Variants in GLI3 observed in about 807,000 individuals in gnomAD.
GLI3 encodes transcription activator GLI3.
Under a neutral mutation model 100.8 loss-of-function variants are expected in GLI3, and 20 were observed. The ratio of observed to expected loss-of-function variants is 0.20; its 90% CI spans 0.14 to 0.29. The LOEUF is 0.29. Ranked by LOEUF, GLI3 falls within the 10% of genes least tolerant of loss-of-function variation. The pLI is 1.00. For synonymous variants in GLI3, 938 were observed against 860.5 expected, an observed-to-expected ratio of 1.09 and a Z score of -1.58; for missense variants, 2,040 against 2,128.5, an observed-to-expected ratio of 0.96 and a Z score of 0.82.
In GLI3 at chr7:42,080,793, G is replaced by A. The variant is rs141401049; in HGVS notation, c.368-3936C>T. Among the ~76,000 whole-genome samples the A allele has an allele frequency of 3.9e-3, 592 of 152,188 alleles. 5 individuals are homozygous for A. The highest frequency in any genetic ancestry group is 0.013 in the African/African-American group (553 of 41,510). The stretch of plus-strand genomic sequence containing the variant: ...TGCCTTGCTGGTGTCTTGGTTTGTC[G>A]TTTCTATGTGGCTCAGCGGCATATT... On this transcript the variant is annotated intron_variant, in intron 3 of 14. Coordinates refer to ENST00000395925, the MANE Select transcript of GLI3 (RefSeq NM_000168.6).
At chr7:42,015,245 G>A (rs556980983) in intron 10 of GLI3, among the ~76,000 whole-genome samples, 173 of 152,212 alleles carry the variant, frequency 1.1e-3, no homozygotes, top group African/African-American at 4.0e-3. Flanking sequence ...ACATTATCTG[G>A]TGTTCTTCCC....
At chr7:41,975,229 T>C (rs1026212889) in intron 12 of GLI3, among the ~76,000 whole-genome samples, 1 of 152,218 alleles carries the variant, frequency 6.6e-6, no homozygotes, top group Non-Finnish European at 1.5e-5. Context: ...CCCTTCCCAT[T>C]ACAGTCCATT....
At chr7:42,082,892 T>C (rs1224758741) in intron 3 of GLI3, among the ~76,000 whole-genome samples, 2 of 152,282 alleles carry the variant, frequency 1.3e-5, no homozygotes, top group South Asian at 2.1e-4. Flanking sequence ...AATAAAGTTA[T>C]GTTTTAATTT....
chr7:41,977,535 C>T, intron 12 of GLI3, 23 bp downstream of exon 12: 1 of 1,612,162 alleles, frequency 6.2e-7, no homozygotes, highest in Non-Finnish European at 8.5e-7. Flanking sequence ...TATGCAAGCT[C>T]CATGCCCACT....
chr7:42,177,216 C>T (rs974628246), intron 2 of GLI3, among the ~76,000 whole-genome samples: 4 of 152,084 alleles, frequency 2.6e-5, no homozygotes, highest in Non-Finnish European at 5.9e-5. Context: ...GGAGTGTCAG[C>T]AAAGGCCTCA....
intron 11 of GLI3, 118 bp downstream of exon 11, chr7:41,978,481 T>C (rs1033589043): frequency 1.1e-6 from 1 of 936,304 alleles, no homozygotes; most frequent in African/African-American, 1.6e-5. Context: ...GACAATACTC[T>C]AGTCCTCTTC....
intron 3 of GLI3, chr7:42,145,506 G>A (rs1027813886): frequency 7.5e-6 from 3 of 398,178 alleles, no homozygotes; most frequent in Non-Finnish European, 1.3e-5. Flanking sequence ...GAAGGCCACA[G>A]TGCACAGCTC....
chr7:42,068,951 T>A (rs1248433531), intron 4 of GLI3, among the ~76,000 whole-genome samples: 2 of 152,192 alleles, frequency 1.3e-5, no homozygotes, highest in Non-Finnish European at 2.9e-5. Context: ...CAACAGTAAA[T>A]TTCTGTTTTC....
At chr7:41,967,209 G>A (rs781047940) in intron 14 of GLI3, among the ~76,000 whole-genome samples, 1 of 152,184 alleles carries the variant, frequency 6.6e-6, no homozygotes, top group Non-Finnish European at 1.5e-5. Context: ...AGTGGGGAGG[G>A]ATTTCTGACT....
chr7:42,090,403 ACTG>A (rs1785192348), intron 3 of GLI3, among the ~76,000 whole-genome samples: 2 of 152,210 alleles, frequency 1.3e-5, no homozygotes, highest in African/African-American at 4.8e-5. Flanking sequence ...TTATGGGACC[ACTG>A]TCTTACATGT....
At chr7:42,091,752 C>T (rs960701960) in intron 3 of GLI3, among the ~76,000 whole-genome samples, 1 of 152,246 alleles carries the variant, frequency 6.6e-6, no homozygotes, top group Non-Finnish European at 1.5e-5. Context: ...AATATCCGCT[C>T]GCTCGGCTCA....
chr7:41,964,779 G>A lies in GLI3; in HGVS notation c.4294C>T (p.Leu1432=). The A allele has an allele frequency of 6.2e-7, 1 of 1,613,910 alleles. No homozygotes were observed. The highest frequency in any genetic ancestry group is 1.1e-5 in the South Asian group (1 of 91,082). Reference sequence around the variant, plus strand: ...GAGTAATTCTGCAGATTAGAGCACAGCGGATGGGGCTGCCCTTTCATCTCC... The same window carrying A: ...GAGTAATTCTGCAGATTAGAGCACAACGGATGGGGCTGCCCTTTCATCTCC... ...KMEMKGQPHP[L]CSNLQNYSGQ... The change falls in exon 15 of 15, where the codon CTG becomes TTG. Residue 1432 remains leucine (L), a synonymous_variant. Transcript: ENST00000395925.
At chr7:42,133,762 C>T (rs944693604) in intron 3 of GLI3, among the ~76,000 whole-genome samples, 3 of 151,590 alleles carry the variant, frequency 2.0e-5, no homozygotes, top group Non-Finnish European at 4.4e-5. Flanking sequence ...AACAAGACTG[C>T]ACCATTACCA....
intron 1 of GLI3, among the ~76,000 whole-genome samples, chr7:42,236,722 T>C (rs1483260150): frequency 6.6e-6 from 1 of 152,160 alleles, no homozygotes; most frequent in Non-Finnish European, 1.5e-5. Context: ...GGAGGTGAAA[T>C]TCTCCAATCC....
At chr7:42,044,400 T>A (rs1432740759) in intron 6 of GLI3, among the ~76,000 whole-genome samples, 1 of 152,184 alleles carries the variant, frequency 6.6e-6, no homozygotes, top group African/African-American at 2.4e-5. Flanking sequence ...TCTGAAGAGA[T>A]GAGCGCTCTG....
intron 1 of GLI3, among the ~76,000 whole-genome samples, chr7:42,227,222 C>T (rs1251107017): frequency 2.6e-5 from 4 of 151,870 alleles, no homozygotes; most frequent in African/African-American, 7.3e-5. Context: ...CCTTTCACCA[C>T]TGAAACATTA....
chr7:42,087,122 G>A (rs1785119036), intron 3 of GLI3, among the ~76,000 whole-genome samples: 1 of 152,188 alleles, frequency 6.6e-6, no homozygotes, highest in South Asian at 2.1e-4. Flanking sequence ...AAAGGGGGAG[G>A]AAAGACATGA....
At chr7:42,135,592 C>A (rs1786408737) in intron 3 of GLI3, among the ~76,000 whole-genome samples, 1 of 152,210 alleles carries the variant, frequency 6.6e-6, no homozygotes. Flanking sequence ...AGATTTTCTA[C>A]TCAGAGCTCT....
intron 1 of GLI3, among the ~76,000 whole-genome samples, chr7:42,245,450 C>T (rs960873453): frequency 5.9e-5 from 9 of 152,034 alleles, no homozygotes; most frequent in African/African-American, 1.4e-4. Flanking sequence ...GAGGCTGAGG[C>T]GGGTGGATCA....
Sources: gnomAD v4.1 joint callset for allele counts (sites outside exome capture counted in the v4.1 genomes callset) on GRCh38, gnomAD v4.1.1 for gene constraint, MANE v1.5 for transcripts, NCBI Gene and HGNC (gene_info 2026-07-23, HGNC 2026-07-21) for gene names.